PLCB1: variants seen among roughly 807,000 people sequenced by gnomAD.
PLCB1 encodes the protein phospholipase C beta 1, also known as 1-phosphatidylinositol 4,5-bisphosphate phosphodiesterase beta-1.
In PLCB1, 46 loss-of-function variants were observed where a neutral mutation model predicts 161.8. The observed-to-expected ratio is 0.28, with a 90% confidence interval of 0.22 to 0.36. PLCB1 has a LOEUF of 0.36. Among genes scored for constraint, PLCB1 ranks in the 10% least tolerant of loss-of-function variants. The pLI is 1.00. For synonymous variants in PLCB1, 517 were observed against 503.7 expected, an observed-to-expected ratio of 1.03 and a Z score of -0.35; for missense variants, 1,016 against 1,472.5, an observed-to-expected ratio of 0.69 and a Z score of 5.07.
chr20:8,425,081 A>C (rs527556382), intron 3 of PLCB1, among the ~76,000 whole-genome samples: 1 of 151,980 alleles, frequency 6.6e-6, no homozygotes, highest in Admixed American at 6.6e-5. Flanking sequence ...ACTCCCGTGC[A>C]AACATCTGAT....
chr20:8,629,122 C>T (rs911430597), intron 4 of PLCB1, among the ~76,000 whole-genome samples: 1 of 152,114 alleles, frequency 6.6e-6, no homozygotes, highest in Non-Finnish European at 1.5e-5. Flanking sequence ...CAGACATCTT[C>T]AGCCCTCTTT....
intron 31 of PLCB1, among the ~76,000 whole-genome samples, chr20:8,831,940 TTCTTTCTTTCTTTC>T (rs1986018469): frequency 1.1e-5 from 1 of 92,844 alleles, no homozygotes; most frequent in African/African-American, 3.9e-5. Flanking sequence ...CTTTCTTTCT[TTCTTTCTTTCTTTC>T]TTTCTTTCTT....
chr20:8,828,275 A>T (rs1985809149), intron 31 of PLCB1, among the ~76,000 whole-genome samples: 1 of 152,194 alleles, frequency 6.6e-6, no homozygotes, highest in Non-Finnish European at 1.5e-5. Flanking sequence ...GGATACTCTC[A>T]AAAGCTCACT....
intron 31 of PLCB1, among the ~76,000 whole-genome samples, chr20:8,878,765 A>G (rs1987869380): frequency 6.6e-6 from 1 of 150,852 alleles, no homozygotes. Context: ...ATATTTCAAT[A>G]ATTTTTATAA....
At chr20:8,175,064 A>G (rs988818802) in intron 2 of PLCB1, among the ~76,000 whole-genome samples, 2 of 152,106 alleles carry the variant, frequency 1.3e-5, no homozygotes, top group Non-Finnish European at 2.9e-5. Context: ...GCAAGACCCC[A>G]TCTCTAAAAA....
chr20:8,341,860 A>G (rs533178286), intron 2 of PLCB1, among the ~76,000 whole-genome samples: 4 of 152,224 alleles, frequency 2.6e-5, no homozygotes, highest in Non-Finnish European at 5.9e-5. Context: ...AACTACTATC[A>G]TCATTTTTTG....
At chr20:8,878,999 C>T (rs886419155) in intron 31 of PLCB1, among the ~76,000 whole-genome samples, 5 of 152,082 alleles carry the variant, frequency 3.3e-5, no homozygotes, top group African/African-American at 1.2e-4. Flanking sequence ...CAATCATTGC[C>T]ATATTTATGT....
intron 27 of PLCB1, among the ~76,000 whole-genome samples, chr20:8,787,633 G>A (rs1034772964): frequency 6.6e-6 from 1 of 152,114 alleles, no homozygotes; most frequent in Admixed American, 6.5e-5. Flanking sequence ...TCCTCATGAG[G>A]AAAAAAGGAA....
intron 2 of PLCB1, among the ~76,000 whole-genome samples, chr20:8,283,768 ACT>A (rs1982988150): frequency 6.6e-6 from 1 of 152,058 alleles, no homozygotes; most frequent in Non-Finnish European, 1.5e-5. Flanking sequence ...TAAGATGATT[ACT>A]CATTTAATAG....
intron 27 of PLCB1, among the ~76,000 whole-genome samples, chr20:8,779,715 G>A (rs924028198): frequency 2.6e-5 from 4 of 152,160 alleles, no homozygotes; most frequent in Admixed American, 1.3e-4. Context: ...TTGTCATATG[G>A]TCAAGTTGAA....
At chr20:8,159,942 C>T (rs1317152718) in intron 2 of PLCB1, among the ~76,000 whole-genome samples, 2 of 137,448 alleles carry the variant, frequency 1.5e-5, no homozygotes, top group African/African-American at 5.6e-5. Flanking sequence ...GAGCCAAGAT[C>T]GTGCCATTGT....
intron 31 of PLCB1, among the ~76,000 whole-genome samples, chr20:8,855,729 A>G (rs1189704140): frequency 6.6e-6 from 1 of 152,158 alleles, no homozygotes; most frequent in Non-Finnish European, 1.5e-5. Flanking sequence ...ACCATAAACC[A>G]TAAGGGGGGA....
chr20:8,612,328 T>C (rs899414211), intron 3 of PLCB1, among the ~76,000 whole-genome samples: 2 of 152,132 alleles, frequency 1.3e-5, no homozygotes, highest in Non-Finnish European at 2.9e-5. Context: ...CTTCAGTAAA[T>C]GTTCAGAGTT....
chr20:8,602,617 C>T (rs1468705038), intron 3 of PLCB1, among the ~76,000 whole-genome samples: 2 of 152,126 alleles, frequency 1.3e-5, no homozygotes, highest in African/African-American at 2.4e-5. Flanking sequence ...AAAGGGCAAG[C>T]AGAGTGAGTG....
chr20:8,209,284 A>G (rs1978695656), intron 2 of PLCB1, among the ~76,000 whole-genome samples: 1 of 152,120 alleles, frequency 6.6e-6, no homozygotes, highest in African/African-American at 2.4e-5. Context: ...GAAAAACTGA[A>G]CAGTTTACAA....
At chr20:8,224,239 C>T (rs1979557573) in intron 2 of PLCB1, among the ~76,000 whole-genome samples, 1 of 152,122 alleles carries the variant, frequency 6.6e-6, no homozygotes, top group Non-Finnish European at 1.5e-5. Context: ...TTTCTGAGCT[C>T]TTCTTAGCCA....
chr20:8,842,512 T>C (rs1986542259), intron 31 of PLCB1, among the ~76,000 whole-genome samples: 1 of 152,188 alleles, frequency 6.6e-6, no homozygotes, highest in Admixed American at 6.5e-5. Context: ...ATTCATAGAC[T>C]TGATAGTGTA....
In PLCB1 at chr20:8,739,281, C is replaced by T. The variant is rs1337618676; in HGVS notation, c.2229C>T (p.Ala743=). ...TGTAGGTGGTTCTTCCTACTCTGGC[C>T]TGTTTGAGAATAGCAGTTTATGAAG... ...VFKKVVLPTL[A]CLRIAVYEEG... The change falls in exon 21 of 32, where the codon GCC becomes GCT. Residue 743 remains alanine, a synonymous_variant. Transcript: ENST00000338037. 1.1e-5 allele frequency: 17 copies of T among 1,612,502 alleles called. No individual in the cohort carries two copies. Among genetic ancestry groups the T allele is most frequent in the Admixed American group, 3.3e-5 (2 of 60,004 alleles).
intron 3 of PLCB1, among the ~76,000 whole-genome samples, chr20:8,537,284 A>G (rs2179440): frequency 0.069 from 10,484 of 152,282 alleles, 467 homozygotes; most frequent in Middle Eastern, 0.11. Context: ...CAGTTTTTAC[A>G]TGCTGTCCTA....
Sources: allele counts gnomAD v4.1 joint callset (sites outside exome capture counted in the v4.1 genomes callset), GRCh38; gene constraint gnomAD v4.1.1; transcripts MANE v1.5; gene names NCBI Gene and HGNC (gene_info 2026-07-23, HGNC 2026-07-21).